The following PLOD2 variants were observed in gnomAD, a reference collection of about 807,000 sequenced individuals.
The protein encoded by PLOD2 is procollagen-lysine,2-oxoglutarate 5-dioxygenase 2.
PLOD2 carries 65 observed loss-of-function variants against 101.0 expected under a neutral mutation model. That is an observed-to-expected ratio of 0.64 (90% CI 0.53 to 0.79). The LOEUF is 0.79. PLOD2 is among the 30% of genes least tolerant of loss of function. The pLI is 0.00. For missense variants in PLOD2, 909 were observed against 914.6 expected (o/e 0.99, Z 0.08); for synonymous variants, 314 against 302.9 (o/e 1.04, Z -0.38).
At chr3:146,128,661 C>T (rs978729383) in intron 1 of PLOD2, among the ~76,000 whole-genome samples, 3 of 151,866 alleles carry the variant, frequency 2.0e-5, no homozygotes, top group Admixed American at 1.3e-4. Context: ...AAGGCCAAAA[C>T]ATGCTATGTC....
chr3:146,136,762 T>G (rs1046584985), intron 1 of PLOD2, among the ~76,000 whole-genome samples: 2 of 152,208 alleles, frequency 1.3e-5, no homozygotes, highest in African/African-American at 4.8e-5. Flanking sequence ...TACAGTAACA[T>G]TCCTTACAGG....
intron 1 of PLOD2, among the ~76,000 whole-genome samples, chr3:146,156,813 C>A (rs1020208810): frequency 3.9e-5 from 6 of 152,220 alleles, no homozygotes; most frequent in African/African-American, 1.4e-4. Flanking sequence ...TCAGGAAAGA[C>A]AAGCACAGCC....
chr3:146,096,653 G>A (rs1937172361), intron 7 of PLOD2, among the ~76,000 whole-genome samples: 1 of 119,250 alleles, frequency 8.4e-6, no homozygotes. Context: ...CCTGGCAACC[G>A]CCCCGTCTGA....
intron 12 of PLOD2, 131 bp downstream of exon 12, chr3:146,081,607 T>C (rs1559836951): frequency 1.5e-6 from 1 of 676,532 alleles, no homozygotes; most frequent in Non-Finnish European, 2.5e-6. Flanking sequence ...TTCCAAGTGG[T>C]CTTGGGTTCT....
At chr3:146,121,404 C>G (rs1269135621) in intron 2 of PLOD2, among the ~76,000 whole-genome samples, 156 bp from the exon 3 acceptor site, 1 of 151,978 alleles carries the variant, frequency 6.6e-6, no homozygotes, top group African/African-American at 2.4e-5. Flanking sequence ...AATCTAGATG[C>G]CTAAATCAGA....
At chr3:146,160,351 G>A (rs982279702) in intron 1 of PLOD2, among the ~76,000 whole-genome samples, 1 of 152,228 alleles carries the variant, frequency 6.6e-6, no homozygotes, top group Non-Finnish European at 1.5e-5. Context: ...TGGAGGTACT[G>A]GGTAGCCAGG....
intron 1 of PLOD2, among the ~76,000 whole-genome samples, chr3:146,141,436 G>C (rs552082656): frequency 4.0e-4 from 61 of 152,176 alleles, no homozygotes; most frequent in South Asian, 1.2e-3. Context: ...GATGGGGAAA[G>C]AAATCCCCAA....
intron 1 of PLOD2, 122 bp downstream of exon 1, chr3:146,160,759 G>A: frequency 2.9e-6 from 2 of 686,878 alleles, no homozygotes; most frequent in Non-Finnish European, 5.2e-6. Context: ...CGGCGGTCCT[G>A]GAGAGGAGGG....
At chr3:146,083,615 T>C (rs1936651239) in intron 11 of PLOD2, among the ~76,000 whole-genome samples, 1 of 148,266 alleles carries the variant, frequency 6.7e-6, no homozygotes, top group Non-Finnish European at 1.5e-5. Context: ...GGAGTCTCGC[T>C]GTGTCGCCCA....
chr3:146,111,228 T>C (rs1265598834), intron 3 of PLOD2, among the ~76,000 whole-genome samples: 1 of 152,134 alleles, frequency 6.6e-6, no homozygotes, highest in East Asian at 1.9e-4. Context: ...CACAAATTAT[T>C]TTACATTTTT....
chr3:146,102,966 A>G, intron 6 of PLOD2, 114 bp from the exon 7 acceptor site: 1 of 656,496 alleles, frequency 1.5e-6, no homozygotes, highest in Non-Finnish European at 2.8e-6. Flanking sequence ...TTTCTCATGG[A>G]TGTAATATTC....
intron 8 of PLOD2, among the ~76,000 whole-genome samples, chr3:146,090,693 A>C (rs1936943155): frequency 6.6e-6 from 1 of 151,832 alleles, no homozygotes; most frequent in Non-Finnish European, 1.5e-5. Context: ...AAGCTCCTAC[A>C]TGTACACAAG....
intron 6 of PLOD2, among the ~76,000 whole-genome samples, chr3:146,103,546 A>G (rs1937464532): frequency 1.3e-5 from 2 of 151,550 alleles, no homozygotes. Flanking sequence ...TGCAGCCTCG[A>G]ACTCCTGGGA....
chr3:146,142,699 T>C (rs538770856), intron 1 of PLOD2, among the ~76,000 whole-genome samples: 12 of 152,142 alleles, frequency 7.9e-5, no homozygotes, highest in Admixed American at 3.3e-4. Flanking sequence ...CACACAAATA[T>C]CCCAGTGCTT....
intron 13 of PLOD2, 98 bp from the exon 14 acceptor site, chr3:146,078,022 TA>T: frequency 1.3e-6 from 1 of 786,578 alleles, no homozygotes. Flanking sequence ...GATCAAAAGC[TA>T]ACATTCTGAA....
At chr3:146,083,630 A>G (rs1224816257) in intron 11 of PLOD2, among the ~76,000 whole-genome samples, 10 of 137,246 alleles carry the variant, frequency 7.3e-5, no homozygotes, top group Admixed American at 1.6e-4. Context: ...CGCCCAGGCT[A>G]GAGTGCAGTG....
At chr3:146,138,338 C>CAA (rs5853266) in intron 1 of PLOD2, among the ~76,000 whole-genome samples, 192 of 145,300 alleles carry the variant, frequency 1.3e-3, no homozygotes, top group African/African-American at 2.6e-3. Flanking sequence ...TACAGGGAAC[C>CAA]AAAAAAAAAA....
chr3:146,114,068 G>A (rs1296741626), intron 3 of PLOD2, among the ~76,000 whole-genome samples: 4 of 152,128 alleles, frequency 2.6e-5, no homozygotes, highest in African/African-American at 4.8e-5. Context: ...GGCCTATTAG[G>A]ACGAGGAAAT....
At chr3:146,143,446 C>A (rs2031625654) in intron 1 of PLOD2, among the ~76,000 whole-genome samples, 1 of 152,034 alleles carries the variant, frequency 6.6e-6, no homozygotes. Flanking sequence ...TCTAAGTTGA[C>A]CACAAATTCT....
Sources: gnomAD v4.1 joint callset for allele counts (sites outside exome capture counted in the v4.1 genomes callset) on GRCh38, gnomAD v4.1.1 for gene constraint, MANE v1.5 for transcripts, NCBI Gene and HGNC (gene_info 2026-07-23, HGNC 2026-07-21) for gene names.